The following ADAP1 variants were observed in gnomAD, a reference collection of about 807,000 sequenced individuals.
The protein encoded by ADAP1 is arf-GAP with dual PH domain-containing protein 1.
ADAP1 carries 31 observed loss-of-function variants against 54.9 expected under a neutral mutation model. That is an observed-to-expected ratio of 0.56 (90% CI 0.42 to 0.76). ADAP1 has a LOEUF of 0.76. Ranked by LOEUF, ADAP1 falls within the 30% of genes least tolerant of loss-of-function variation. The probability of loss-of-function intolerance (pLI) is 0.00; values close to 1 mark genes in which losing one functional copy is unlikely to be tolerated. For synonymous variants in ADAP1, 313 were observed against 202.6 expected (o/e 1.55, Z -4.63); for missense variants, 535 against 512.4 (o/e 1.04, Z -0.42).
chr7:914,407 C>T (rs1026393163), intron 4 of ADAP1, among the ~76,000 whole-genome samples: 3 of 152,200 alleles, frequency 2.0e-5, no homozygotes, highest in Admixed American at 6.5e-5. Flanking sequence ...GGAACGCCGC[C>T]GGGAATCCCC....
At chr7:937,052 G>A (rs1281169146) in intron 1 of ADAP1, among the ~76,000 whole-genome samples, 5 of 151,608 alleles carry the variant, frequency 3.3e-5, no homozygotes, top group Admixed American at 6.6e-5. Context: ...GCTGAACCTC[G>A]GATTTGGGGG....
intron 5 of ADAP1, among the ~76,000 whole-genome samples, 169 bp downstream of exon 5, chr7:904,891 G>A (rs761703773): frequency 1.2e-4 from 18 of 152,204 alleles, no homozygotes; most frequent in South Asian, 6.2e-4. Context: ...CGCTGGGTCC[G>A]GCACACAGAG....
At position 899,114 on chromosome 7, in the gene ADAP1, C is replaced by G. The variant is rs751505076; in HGVS notation, c.1015G>C (p.Glu339Gln). 2 of 1,608,714 alleles carry G rather than the reference C, an allele frequency of 1.2e-6. No homozygotes were observed. The highest frequency in any genetic ancestry group is 1.7e-6 in the Non-Finnish European group (2 of 1,179,942). ...CACTCCCTCTGGTCGGACTCCGTCT[C>G]GCAGGCAAACAGAAACTTGCGGTCG... ...TPDRKFLFAC[E>Q]TESDQREWVA... The change falls in exon 10 of 11, where the codon GAG becomes CAG. Residue 339 changes from glutamate to glutamine, a missense_variant. Transcript: ENST00000265846.
intron 6 of ADAP1, among the ~76,000 whole-genome samples, chr7:903,472 G>A (rs555173428): frequency 1.3e-5 from 2 of 152,276 alleles, no homozygotes; most frequent in Admixed American, 6.5e-5. Flanking sequence ...CAAGATTTAG[G>A]AACGATATAG....
intron 2 of ADAP1, chr7:935,157 TCA>T (rs1363356201): frequency 1.4e-6 from 1 of 704,266 alleles, no homozygotes; most frequent in Non-Finnish European, 2.6e-6. Flanking sequence ...CTGGAGCTGC[TCA>T]CAGAGAGGTT....
chr7:905,276 G>GGGA, intron 4 of ADAP1, 104 bp from the exon 5 acceptor site: 1 of 417,218 alleles, frequency 2.4e-6, no homozygotes. Flanking sequence ...AAGACACGGG[G>GGGA]GACACGGACG....
chr7:937,149 C>T (rs200414049), intron 1 of ADAP1, among the ~76,000 whole-genome samples: 7 of 95,030 alleles, frequency 7.4e-5, no homozygotes, highest in Admixed American at 1.0e-4. Context: ...GGGTCACGCC[C>T]GGCCTCTGGG....
chr7:898,627 C>G lies in ADAP1; in HGVS notation c.*294G>C. The stretch of plus-strand genomic sequence containing the variant: ...TGGGGGCTGTGTCTGAGCTCGGGAG[C>G]CAGACTGGGCCCTGGAGGAAAGGGG... On this transcript the variant is annotated 3_prime_UTR_variant, in exon 11 of 11. Coordinates refer to ENST00000265846, the MANE Select transcript of ADAP1 (RefSeq NM_006869.4). 1 of 487,836 alleles carries G rather than the reference C, an allele frequency of 2.0e-6. No homozygotes were observed. The highest frequency in any genetic ancestry group is 3.3e-5 in the Admixed American group (1 of 30,250). The allele number at this position is 487,836 out of a possible 1,614,324, so 30.2% of individuals were successfully genotyped here.
rs1401584655 is a variant in ADAP1 at position 916,695 on chromosome 7, G to C, written c.388+3273C>G. Among the ~76,000 whole-genome samples the C allele has an allele frequency of 3.3e-5, 5 of 152,290 alleles. No homozygotes were observed. In the East Asian group the frequency reaches 9.7e-4, roughly 29 times the overall value. ...GGATTCTTGAGAGGAAGAAATTGCT[G>C]TCTGGGTAGACAGTAATTGAATCAG... On this transcript the variant is annotated intron_variant, in intron 4 of 10. Transcript: ENST00000265846.
chr7:935,078 G>A, intron 2 of ADAP1: 1 of 546,570 alleles, frequency 1.8e-6, no homozygotes, highest in Non-Finnish European at 3.6e-6. Flanking sequence ...GATTTGAGGG[G>A]AGCACTCCGG....
At chr7:921,640 C>T (rs957279079) in intron 3 of ADAP1, among the ~76,000 whole-genome samples, 5 of 152,200 alleles carry the variant, frequency 3.3e-5, no homozygotes, top group African/African-American at 9.7e-5. Flanking sequence ...TTCACCTTCA[C>T]AGGGGCGGCG....
chr7:954,376 C>A lies in ADAP1; in HGVS notation c.82+20G>T. On this transcript the variant is annotated intron_variant, in intron 1 of 10. Coordinates refer to ENST00000265846, the MANE Select transcript of ADAP1 (RefSeq NM_006869.4). ...CACCCCGGACCCACCCGGCCCCGCG[C>A]CCACCCGGCCCACACCTACCCGGGG... The A allele has an allele frequency of 9.4e-7, 1 of 1,066,356 alleles. No homozygotes were observed. The highest frequency in any genetic ancestry group is 1.1e-6 in the Non-Finnish European group (1 of 883,450). 66.1% of individuals were successfully genotyped at this position (1,066,356 alleles called of 1,614,324 possible). A position where few individuals can be genotyped will look rare whatever the true frequency, so the allele number is the denominator to read the frequency against.
At position 942,286 on chromosome 7, in the gene ADAP1, G is replaced by A. The variant is rs190279101; in HGVS notation, c.83-6781C>T. Among the ~76,000 whole-genome samples the A allele has an allele frequency of 1.6e-3, 235 of 151,326 alleles. 2 individuals are homozygous for A. The highest frequency in any genetic ancestry group is 8.1e-3 in the Admixed American group (122 of 15,124). ...GCAGAATCCACTGAGAGAGAGAGGA[G>A]GAGGAAGAGAGAGGAGGAGGAGGAA... On this transcript the variant is annotated intron_variant, in intron 1 of 10. Transcript: ENST00000265846.
chr7:905,364 GGGAAA>G lies in ADAP1; in HGVS notation c.389-197_389-193del, dbSNP rs1262599885. 17 of 136,114 alleles carry G rather than the reference GGGAAA, an allele frequency of 1.2e-4. 4 individuals carry two copies. Among genetic ancestry groups the G allele is most frequent in the East Asian group, 9.7e-4 (13 of 13,434 alleles). The allele number at this position is 136,114 out of a possible 1,614,324, so 8.4% of individuals were successfully genotyped here. On this transcript the variant is annotated intron_variant, in intron 4 of 10. Transcript: ENST00000265846. ...GGAGATAGGAAGATGGGCAGGGAAA[GGGAAA>G]GGGAAAGGAGAAAGGAGAAAGGAGA...
At position 920,989 on chromosome 7, in the gene ADAP1, G is replaced by A. The variant is rs1218603811; in HGVS notation, c.306-939C>T. On this transcript the variant is annotated intron_variant, in intron 3 of 10. Coordinates refer to ENST00000265846, the MANE Select transcript of ADAP1 (RefSeq NM_006869.4). This position sits in a 1 kb window ranked among gnomAD's most constrained non-coding sequence, Gnocchi z 4.5. ...TCCTCGCCCACAGGATCTGATGGGT[G>A]ATGGGTCCCAGCTGGGTCTCTGGCC... The A allele has an allele frequency of 3.7e-5, 33 of 903,050 alleles. 1 individual carries two copies. The highest frequency in any genetic ancestry group is 3.4e-6 in the Non-Finnish European group (2 of 590,472). 55.9% of individuals were successfully genotyped at this position (903,050 alleles called of 1,614,324 possible).
intron 4 of ADAP1, among the ~76,000 whole-genome samples, chr7:906,810 G>T (rs1346406592): frequency 5.6e-5 from 8 of 143,928 alleles, no homozygotes; most frequent in East Asian, 2.1e-4. Flanking sequence ...GGACATGGGG[G>T]GACATGGGTC....
At chr7:915,073 A>G (rs1845877802) in intron 4 of ADAP1, among the ~76,000 whole-genome samples, 1 of 52,712 alleles carries the variant, frequency 1.9e-5, no homozygotes, top group Non-Finnish European at 3.6e-5. Flanking sequence ...CGCGACCTGG[A>G]AGGTGCCGTG....
chr7:905,578 A>AGAAGGGAGAAGGGAGAAG (rs1845173407), intron 4 of ADAP1: 1 of 104,304 alleles, frequency 9.6e-6, no homozygotes, highest in African/African-American at 3.8e-5. Context: ...GAAAGGAGAA[A>AGAAGGGAGAAGGGAGAAG]GGAGAAAGGA....
At chr7:906,589 GA>G (rs1845377550) in intron 4 of ADAP1, among the ~76,000 whole-genome samples, 1 of 28,808 alleles carries the variant, frequency 3.5e-5, no homozygotes, top group African/African-American at 1.5e-4. Context: ...GGAGAAAGGA[GA>G]AAGGAGAAGG....
Sources: gnomAD v4.1 joint callset for allele counts (sites outside exome capture counted in the v4.1 genomes callset) on GRCh38, gnomAD v4.1.1 for gene constraint, Gnocchi (gnomAD v3.1) non-coding constraint, MANE v1.5 for transcripts, NCBI Gene and HGNC (gene_info 2026-07-23, HGNC 2026-07-21) for gene names.